The following MRC1 variants were observed in gnomAD, a reference collection of about 807,000 sequenced individuals.
MRC1 encodes the protein macrophage mannose receptor 1.
In MRC1, 62 loss-of-function variants were observed where a neutral mutation model predicts 102.9. The ratio of observed to expected loss-of-function variants is 0.60; its 90% CI spans 0.49 to 0.74. MRC1 has a LOEUF of 0.74. Ranked by LOEUF, MRC1 falls within the 30% of genes least tolerant of loss-of-function variation. The pLI is 0.00. For missense variants in MRC1, 1,237 were observed against 862.8 expected (o/e 1.43, Z -5.43); for synonymous variants, 457 against 298.4 (o/e 1.53, Z -5.48).
chr10:17,830,392 A>G (rs1184801983), intron 3 of MRC1, among the ~76,000 whole-genome samples: 1 of 151,376 alleles, frequency 6.6e-6, no homozygotes, highest in Non-Finnish European at 1.5e-5. Flanking sequence ...TCGGCCTCCC[A>G]AAGTGTTGGG....
At chr10:17,883,797 A>C (rs1488962251) in intron 21 of MRC1, among the ~76,000 whole-genome samples, 1 of 152,220 alleles carries the variant, frequency 6.6e-6, no homozygotes, top group African/African-American at 2.4e-5. Context: ...TGTTGGCCCC[A>C]GATGGCAGCT....
At chr10:17,872,461 T>C (rs1240878442) in intron 15 of MRC1, among the ~76,000 whole-genome samples, 3 of 152,214 alleles carry the variant, frequency 2.0e-5, no homozygotes, top group Non-Finnish European at 2.9e-5. Flanking sequence ...ATGCAACTTC[T>C]GTTTTGGAAT....
rs962530248 is a variant in MRC1 at position 17,895,102 on chromosome 10, C to T, written c.3250+790C>T. ...TGGTGACTTATGCCTGTAGTCCCAG[C>T]TACCTGGGAGACTGAGGTGAGAGGA... is the stretch of plus-strand genomic sequence containing the variant. On this transcript the variant is annotated intron_variant, in intron 23 of 29. Coordinates refer to ENST00000569591, the MANE Select transcript of MRC1 (RefSeq NM_002438.4). Among the ~76,000 whole-genome samples the T allele has an allele frequency of 1.0e-3, 153 of 152,206 alleles. 1 individual carries two copies. Among genetic ancestry groups the T allele is most frequent in the African/African-American group, 3.4e-3 (143 of 41,536 alleles).
At chr10:17,899,429 G>A (rs1833799638) in intron 24 of MRC1, among the ~76,000 whole-genome samples, 1 of 152,090 alleles carries the variant, frequency 6.6e-6, no homozygotes, top group Non-Finnish European at 1.5e-5. Flanking sequence ...GTTTTTCATT[G>A]TGGCAATATT....
intron 18 of MRC1, among the ~76,000 whole-genome samples, chr10:17,878,325 C>T (rs1833464782): frequency 6.6e-6 from 1 of 152,104 alleles, no homozygotes; most frequent in Non-Finnish European, 1.5e-5. Context: ...ACCTTGCTAA[C>T]CTTGCTGCTG....
intron 9 of MRC1, among the ~76,000 whole-genome samples, chr10:17,859,889 G>A (rs996006017): frequency 2.0e-5 from 3 of 152,118 alleles, no homozygotes; most frequent in Non-Finnish European, 4.4e-5. Context: ...CTCAGGAATT[G>A]TTTTTTTCCG....
intron 1 of MRC1, among the ~76,000 whole-genome samples, chr10:17,820,247 G>C (rs1838374941): frequency 6.6e-6 from 1 of 151,938 alleles, no homozygotes. Flanking sequence ...GTGTATTTTT[G>C]GGTAGACATG....
chr10:17,814,064 A>AG, intron 1 of MRC1, among the ~76,000 whole-genome samples: 1 of 152,316 alleles, frequency 6.6e-6, no homozygotes, highest in South Asian at 2.1e-4. Context: ...TAACTGTAGT[A>AG]GAAACTTAGA....
At chr10:17,890,989 C>G (rs1554843068) in intron 22 of MRC1, among the ~76,000 whole-genome samples, 1 of 151,766 alleles carries the variant, frequency 6.6e-6, no homozygotes, top group Non-Finnish European at 1.5e-5. Context: ...TGCGTGGGAT[C>G]TAGGTTGCAC....
intron 23 of MRC1, among the ~76,000 whole-genome samples, chr10:17,897,555 A>G (rs1347496527): frequency 7.4e-6 from 1 of 134,412 alleles, no homozygotes; most frequent in Non-Finnish European, 1.5e-5. Flanking sequence ...CTGAATGTGC[A>G]TTACTCACAA....
rs2130677788 is a variant in MRC1, at chr10:17,872,033, G to A, written c.2251G>A (p.Glu751Lys). 1.3e-6 allele frequency: 1 copy of A among 780,608 alleles called. No individual in the cohort carries two copies. Among genetic ancestry groups the A allele is most frequent in the African/African-American group, 1.7e-5 (1 of 59,208 alleles). The allele number at this position is 780,608 out of a possible 1,614,324, so 48.4% of individuals were successfully genotyped here. ...AGAACCTAATAATTATCAAAATGTT[G>A]AATACTGTGGTGAGCTGAAAGGTGA... Reference protein sequence around the residue: ...YGEPNNYQNVEYCGELKGDPT... With the variant: ...YGEPNNYQNVKYCGELKGDPT... The change falls in exon 15 of 30, where the codon GAA becomes AAA. Residue 751 changes from glutamate to lysine, a missense_variant. Glu to Lys is a moderately conservative substitution (Grantham distance 56). Transcript: ENST00000569591.
intron 7 of MRC1, among the ~76,000 whole-genome samples, chr10:17,850,847 C>G (rs917389543): frequency 1.3e-5 from 2 of 152,058 alleles, no homozygotes; most frequent in South Asian, 2.1e-4. Flanking sequence ...TAAAAGTCCC[C>G]GAAACACTCC....
intron 6 of MRC1, 107 bp from the exon 7 acceptor site, chr10:17,849,472 C>G: frequency 3.0e-6 from 2 of 656,674 alleles, no homozygotes; most frequent in Non-Finnish European, 5.6e-6. Flanking sequence ...CTTTATTTGC[C>G]TAGTAACTAT....
chr10:17,842,305 G>A (rs1425556502), intron 5 of MRC1, among the ~76,000 whole-genome samples: 4 of 152,200 alleles, frequency 2.6e-5, no homozygotes, highest in African/African-American at 7.2e-5. Flanking sequence ...ATTAAAAGAA[G>A]AAAAACTTCA....
chr10:17,827,326 G>T (rs1838491442), intron 2 of MRC1, among the ~76,000 whole-genome samples: 1 of 124,578 alleles, frequency 8.0e-6, no homozygotes, highest in Admixed American at 1.0e-4. Context: ...ACAGCTCTAT[G>T]TACCCAGCAA....
chr10:17,860,609 G>C (rs1833170531), intron 9 of MRC1, among the ~76,000 whole-genome samples: 1 of 152,190 alleles, frequency 6.6e-6, no homozygotes, highest in Non-Finnish European at 1.5e-5. Context: ...GGGAGAAGGA[G>C]GAACAATGCT....
Position 17,839,576 on chromosome 10 carries a change from A to T in MRC1, c.803-1117A>T, listed in dbSNP as rs1838719460. 2.6e-5 allele frequency among the ~76,000 whole-genome samples: 4 copies of T among 152,156 alleles called. No individual in the cohort carries two copies. The South Asian group carries it at 6.2e-4, about 24-fold the overall frequency. ...GTAGTCCCAGCTATTTAGGAGACTG[A>T]GGTAGGAGGAACGCTTGGACCCAGG... is the stretch of plus-strand genomic sequence containing the variant. On this transcript the variant is annotated intron_variant, in intron 4 of 29. Coordinates refer to ENST00000569591, the MANE Select transcript of MRC1 (RefSeq NM_002438.4).
At chr10:17,863,998 CTCTT>C (rs1425882779) in intron 11 of MRC1, among the ~76,000 whole-genome samples, 15 of 151,958 alleles carry the variant, frequency 9.9e-5, no homozygotes, top group Middle Eastern at 3.4e-3. Flanking sequence ...AAATGGTTGA[CTCTT>C]TCTTTCTTTC....
At chr10:17,879,667 T>A in intron 18 of MRC1, 54 bp from the exon 19 acceptor site, 1 of 780,820 alleles carries the variant, frequency 1.3e-6, no homozygotes, top group South Asian at 1.3e-5. Flanking sequence ...CTGGCCTGTA[T>A]CCAATTAGTC....
Sources: gnomAD v4.1 joint callset for allele counts (sites outside exome capture counted in the v4.1 genomes callset) on GRCh38, gnomAD v4.1.1 for gene constraint, MANE v1.5 for transcripts, NCBI Gene and HGNC (gene_info 2026-07-23, HGNC 2026-07-21) for gene names.